Variants in TEAD1 observed in about 807,000 individuals in gnomAD.
TEAD1 encodes the protein TEA domain transcription factor 1, also known as transcriptional enhancer factor TEF-1.
A neutral mutation model predicts 54.9 loss-of-function variants in TEAD1; 9 were observed. That is an observed-to-expected ratio of 0.16 (90% confidence interval 0.10 to 0.29). The LOEUF is 0.29. Among genes scored for constraint, TEAD1 ranks in the 10% least tolerant of loss-of-function variants. The pLI is 1.00. For missense variants in TEAD1, 387 were observed against 535.9 expected (o/e 0.72, Z 2.74); for synonymous variants, 200 against 187.8 (o/e 1.07, Z -0.53).
intron 2 of TEAD1, among the ~76,000 whole-genome samples, chr11:12,715,103 T>G (rs981571939): frequency 2.0e-5 from 3 of 152,178 alleles, no homozygotes; most frequent in Non-Finnish European, 4.4e-5. Flanking sequence ...TCTACCCTTA[T>G]GGAGCATACC....
intron 2 of TEAD1, among the ~76,000 whole-genome samples, chr11:12,731,040 A>G (rs1363691726): frequency 6.6e-6 from 1 of 151,998 alleles, no homozygotes; most frequent in African/African-American, 2.4e-5. Context: ...GGAGGCACAG[A>G]TCTTTTGATG....
intron 5 of TEAD1, among the ~76,000 whole-genome samples, chr11:12,868,284 CTT>C (rs1057159442): frequency 5.3e-5 from 8 of 152,310 alleles, no homozygotes; most frequent in African/African-American, 1.9e-4. Context: ...GTAATGGCCT[CTT>C]AGGCTATTCC....
chr11:12,720,006 C>T (rs77206622), intron 2 of TEAD1, among the ~76,000 whole-genome samples: 8,981 of 84,488 alleles, frequency 0.11, 2,375 homozygotes, highest in African/African-American at 0.36. Context: ...GGGGGGGACC[C>T]AGCCATGCTG....
Position 12,862,140 on chromosome 11 carries a change from T to TA in TEAD1, c.203-109dup, listed in dbSNP as rs201649867. On this transcript the variant is annotated intron_variant, in intron 3 of 12. Coordinates refer to ENST00000527636, the MANE Select transcript of TEAD1 (RefSeq NM_021961.6). ...TATTTTTCTAGTATTAGTAAACACA[T>TA]AGTTGTAATTTTAAAATTCTTGATT... 1.4e-3 allele frequency: 1,158 copies of TA among 812,100 alleles called. 7 individuals carry two copies. The African/African-American group carries it at 0.017, about 12-fold the overall frequency. 50.3% of individuals were successfully genotyped at this position (812,100 alleles called of 1,614,324 possible).
At chr11:12,807,223 T>C (rs959707980) in intron 3 of TEAD1, among the ~76,000 whole-genome samples, 2 of 152,042 alleles carry the variant, frequency 1.3e-5, no homozygotes, top group East Asian at 3.9e-4. Flanking sequence ...TCCCATGAGG[T>C]TTTCAAGGAA....
At chr11:12,849,964 A>G (rs1947237382) in intron 3 of TEAD1, among the ~76,000 whole-genome samples, 1 of 152,250 alleles carries the variant, frequency 6.6e-6, no homozygotes, top group Non-Finnish European at 1.5e-5. Flanking sequence ...AGAAGATACA[A>G]AGATTGGAAA....
At chr11:12,810,702 T>G (rs1307754977) in intron 3 of TEAD1, among the ~76,000 whole-genome samples, 1 of 152,232 alleles carries the variant, frequency 6.6e-6, no homozygotes, top group Non-Finnish European at 1.5e-5. Flanking sequence ...AGGTCTTTCA[T>G]GCTGACGAGC....
chr11:12,794,599 C>A (rs1185234339), intron 3 of TEAD1, among the ~76,000 whole-genome samples: 2 of 152,202 alleles, frequency 1.3e-5, no homozygotes, highest in African/African-American at 4.8e-5. Context: ...ACTTTGACAT[C>A]ATCTCCTAAC....
chr11:12,914,140 A>C (rs1477206923), intron 10 of TEAD1, among the ~76,000 whole-genome samples: 1 of 152,178 alleles, frequency 6.6e-6, no homozygotes, highest in Non-Finnish European at 1.5e-5. Context: ...TTTTTGAAAA[A>C]CTAAATGCTG....
chr11:12,765,489 G>T (rs918018241), intron 3 of TEAD1, among the ~76,000 whole-genome samples: 1 of 152,126 alleles, frequency 6.6e-6, no homozygotes, highest in Non-Finnish European at 1.5e-5. Context: ...CTGAACAATT[G>T]GAAGTCTTTT....
rs143894336 is a variant in TEAD1 at position 12,703,111 on chromosome 11, C to G, written c.-55+27550C>G. The stretch of plus-strand genomic sequence containing the variant: ...CCTCCCTACCTGCTTCATCACCCAA[C>G]CAATGAGCGCATTCCCCTTAGCCTG... On this transcript the variant is annotated intron_variant, in intron 2 of 12. Transcript: ENST00000527636. Among the ~76,000 whole-genome samples, 710 of 152,266 alleles carry G rather than the reference C, an allele frequency of 4.7e-3. 2 individuals carry two copies. Among genetic ancestry groups the G allele is most frequent in the Admixed American group, 7.8e-3 (119 of 15,304 alleles).
intron 9 of TEAD1, among the ~76,000 whole-genome samples, chr11:12,895,636 C>A (rs1837822950): frequency 6.6e-6 from 1 of 152,182 alleles, no homozygotes; most frequent in Non-Finnish European, 1.5e-5. Context: ...CATAATCTTT[C>A]AAGATAGTTT....
intron 2 of TEAD1, among the ~76,000 whole-genome samples, chr11:12,685,055 G>A (rs1259873068): frequency 6.6e-6 from 1 of 152,162 alleles, no homozygotes; most frequent in African/African-American, 2.4e-5. Flanking sequence ...TTCTGGGTGT[G>A]TCAATGTCCC....
chr11:12,880,405 T>C (rs1947941611), intron 6 of TEAD1, among the ~76,000 whole-genome samples: 1 of 152,222 alleles, frequency 6.6e-6, no homozygotes, highest in South Asian at 2.1e-4. Flanking sequence ...AACAAGAGTT[T>C]GGATAGCTGG....
At chr11:12,739,172 ATTGCT>A (rs1423857662) in intron 2 of TEAD1, among the ~76,000 whole-genome samples, 2 of 152,088 alleles carry the variant, frequency 1.3e-5, no homozygotes, top group South Asian at 2.1e-4. Context: ...ACTTGGTCTG[ATTGCT>A]TTGCTTTGAG....
intron 2 of TEAD1, among the ~76,000 whole-genome samples, chr11:12,743,722 A>G (rs1205932877): frequency 6.6e-6 from 1 of 152,208 alleles, no homozygotes; most frequent in Non-Finnish European, 1.5e-5. Context: ...TGTATGACAA[A>G]TGAAACAGAT....
intron 3 of TEAD1, among the ~76,000 whole-genome samples, chr11:12,829,251 C>G (rs181021766): frequency 1.3e-5 from 2 of 152,124 alleles, no homozygotes; most frequent in Non-Finnish European, 2.9e-5. Context: ...CAGAGCTTTC[C>G]GTGGTGGCTG....
chr11:12,739,250 T>C (rs1472659832), intron 2 of TEAD1, among the ~76,000 whole-genome samples: 2 of 151,610 alleles, frequency 1.3e-5, no homozygotes, highest in Non-Finnish European at 2.9e-5. Context: ...CTATCAGTCA[T>C]CTATCTCTGT....
At chr11:12,743,102 T>G (rs1486659995) in intron 2 of TEAD1, among the ~76,000 whole-genome samples, 2 of 152,238 alleles carry the variant, frequency 1.3e-5, no homozygotes, top group African/African-American at 4.8e-5. Flanking sequence ...TGTTCTTGCC[T>G]TGGCATCCCT....
Sources: allele counts gnomAD v4.1 joint callset (sites outside exome capture counted in the v4.1 genomes callset), GRCh38; gene constraint gnomAD v4.1.1; transcripts MANE v1.5; gene names NCBI Gene and HGNC (gene_info 2026-07-23, HGNC 2026-07-21).